Variants in PRUNE2 observed in about 807,000 individuals in gnomAD.
The protein encoded by PRUNE2 is protein prune homolog 2.
Under a neutral mutation model 252.0 loss-of-function variants are expected in PRUNE2, and 164 were observed. The observed-to-expected ratio is 0.65, with a 90% CI of 0.57 to 0.74. The LOEUF (loss-of-function observed/expected upper bound fraction) is 0.74. Among genes scored for constraint, PRUNE2 ranks in the 30% least tolerant of loss-of-function variants. PRUNE2 has a pLI of 0.00. For synonymous variants in PRUNE2, 1,292 were observed against 1,350.2 expected (o/e 0.96, Z 0.94); for missense variants, 3,495 against 3,711.0 (o/e 0.94, Z 1.51).
At chr9:76,792,232 G>T (rs779193673) in intron 6 of PRUNE2, among the ~76,000 whole-genome samples, 26 of 152,096 alleles carry the variant, frequency 1.7e-4, no homozygotes, top group Non-Finnish European at 2.9e-5. Context: ...ATAAGTCTCT[G>T]ATGGTTTTAT....
At chr9:76,745,408 CATCACT>C (rs2050013339) in intron 6 of PRUNE2, among the ~76,000 whole-genome samples, 1 of 152,146 alleles carries the variant, frequency 6.6e-6, no homozygotes, top group Non-Finnish European at 1.5e-5. Context: ...CTACAGATAA[CATCACT>C]ATTGCAGAAT....
intron 9 of PRUNE2, among the ~76,000 whole-genome samples, chr9:76,685,859 G>A (rs1385258556): frequency 1.3e-5 from 2 of 152,174 alleles, no homozygotes; most frequent in African/African-American, 2.4e-5. Context: ...TCTGGAAGGA[G>A]TATATCAGTC....
chr9:76,857,020 C>T, intron 1 of PRUNE2: 1 of 455,112 alleles, frequency 2.2e-6, no homozygotes, highest in Non-Finnish European at 4.4e-6. Flanking sequence ...TCCCAAAGTA[C>T]TGGGATTACA....
intron 1 of PRUNE2, among the ~76,000 whole-genome samples, chr9:76,875,850 TC>T (rs2061448544): frequency 6.6e-6 from 1 of 152,224 alleles, no homozygotes; most frequent in South Asian, 2.1e-4. Context: ...TTGACACGTA[TC>T]TCAAACTTGG....
intron 9 of PRUNE2, among the ~76,000 whole-genome samples, chr9:76,685,489 T>C (rs1160248980): frequency 6.6e-6 from 1 of 152,164 alleles, no homozygotes; most frequent in African/African-American, 2.4e-5. Context: ...GGTGTGTGTT[T>C]GGAAATGGGG....
intron 9 of PRUNE2, among the ~76,000 whole-genome samples, chr9:76,658,859 G>C (rs1403679992): frequency 6.6e-6 from 1 of 152,230 alleles, no homozygotes; most frequent in Non-Finnish European, 1.5e-5. Context: ...AATGTATTAT[G>C]ACATATTGAT....
At chr9:76,894,067 C>T (rs929464629) in intron 1 of PRUNE2, among the ~76,000 whole-genome samples, 1 of 152,186 alleles carries the variant, frequency 6.6e-6, no homozygotes, top group East Asian at 1.9e-4. Context: ...TAAGACCATG[C>T]TTGCAATTTG....
At chr9:76,670,736 C>G (rs899252240) in intron 9 of PRUNE2, among the ~76,000 whole-genome samples, 11 of 151,760 alleles carry the variant, frequency 7.2e-5, no homozygotes, top group South Asian at 2.1e-4. Flanking sequence ...TCAAGTGGGT[C>G]CCTGACCCCT....
At chr9:76,810,397 A>G (rs1208221641) in intron 6 of PRUNE2, among the ~76,000 whole-genome samples, 1 of 152,246 alleles carries the variant, frequency 6.6e-6, no homozygotes, top group Non-Finnish European at 1.5e-5. Context: ...CATTTGCTAA[A>G]ATTCAAATTA....
chr9:76,729,911 AG>A (rs2048417509), intron 6 of PRUNE2, among the ~76,000 whole-genome samples: 1 of 152,212 alleles, frequency 6.6e-6, no homozygotes, highest in Admixed American at 6.5e-5. Context: ...ATCTGAACAC[AG>A]ACTCCTACAT....
intron 6 of PRUNE2, among the ~76,000 whole-genome samples, chr9:76,804,643 T>G (rs963218788): frequency 6.6e-6 from 1 of 152,166 alleles, no homozygotes; most frequent in African/African-American, 2.4e-5. Context: ...GAGTTTCTTC[T>G]GGCTGCTGAC....
chr9:76,881,674 T>C (rs930814965), intron 1 of PRUNE2, among the ~76,000 whole-genome samples: 3 of 151,316 alleles, frequency 2.0e-5, no homozygotes, highest in Admixed American at 6.6e-5. Flanking sequence ...CAGGCTGGAG[T>C]GCAGTGGCAC....
chr9:76,903,474 A>G (rs2063301714), intron 1 of PRUNE2, among the ~76,000 whole-genome samples: 1 of 152,194 alleles, frequency 6.6e-6, no homozygotes, highest in Non-Finnish European at 1.5e-5. Context: ...CATAGCTCCT[A>G]CATTCTAATT....
intron 4 of PRUNE2, among the ~76,000 whole-genome samples, chr9:76,829,299 A>T (rs2058531189): frequency 6.6e-6 from 1 of 152,196 alleles, no homozygotes; most frequent in South Asian, 2.1e-4. Context: ...GTGATAAAAT[A>T]AGCCAATAGG....
intron 9 of PRUNE2, among the ~76,000 whole-genome samples, chr9:76,681,520 A>G (rs1170858701): frequency 1.3e-5 from 2 of 151,422 alleles, no homozygotes; most frequent in Non-Finnish European, 2.9e-5. Flanking sequence ...TCACAAAACC[A>G]CCTTTGGATC....
chr9:76,775,313 T>TC (rs2053615010), intron 6 of PRUNE2, among the ~76,000 whole-genome samples: 1 of 152,186 alleles, frequency 6.6e-6, no homozygotes, highest in African/African-American at 2.4e-5. Flanking sequence ...TCTTTTTTTT[T>TC]TGAGACAAGG....
At chr9:76,771,863 T>C (rs2130954449) in intron 6 of PRUNE2, among the ~76,000 whole-genome samples, 1 of 152,184 alleles carries the variant, frequency 6.6e-6, no homozygotes, top group East Asian at 1.9e-4. Context: ...GACCACACCC[T>C]AAGTGAGAAA....
intron 1 of PRUNE2, among the ~76,000 whole-genome samples, chr9:76,881,492 C>G (rs1212839917): frequency 1.3e-5 from 2 of 152,136 alleles, no homozygotes; most frequent in African/African-American, 4.8e-5. Context: ...CAATATTGGA[C>G]AACTACCACT....
intron 4 of PRUNE2, among the ~76,000 whole-genome samples, chr9:76,842,220 A>G (rs889148631): frequency 6.6e-6 from 1 of 152,202 alleles, no homozygotes; most frequent in African/African-American, 2.4e-5. Flanking sequence ...GACAAACCTG[A>G]CAAAAACAAG....
Sources: allele counts gnomAD v4.1 joint callset (sites outside exome capture counted in the v4.1 genomes callset), GRCh38; gene constraint gnomAD v4.1.1; transcripts MANE v1.5; gene names NCBI Gene and HGNC (gene_info 2026-07-23, HGNC 2026-07-21).